Variants in PRKAR1B observed in about 807,000 individuals in gnomAD.
The protein encoded by PRKAR1B is protein kinase cAMP-dependent type I regulatory subunit beta.
A neutral mutation model predicts 46.5 loss-of-function variants in PRKAR1B; 22 were observed. The observed-to-expected ratio is 0.47, with a 90% CI of 0.34 to 0.68. The LOEUF is 0.68. Among genes scored for constraint, PRKAR1B ranks in the 30% least tolerant of loss-of-function variants. The probability of loss-of-function intolerance (pLI) is 0.01; values close to 1 mark genes in which losing one functional copy is unlikely to be tolerated. For synonymous variants in PRKAR1B, 259 were observed against 217.7 expected, an observed-to-expected ratio of 1.19 and a Z score of -1.67; for missense variants, 445 against 535.6, an observed-to-expected ratio of 0.83 and a Z score of 1.67.
chr7:643,370 T>C (rs1784482023), intron 4 of PRKAR1B, among the ~76,000 whole-genome samples: 1 of 151,366 alleles, frequency 6.6e-6, no homozygotes, highest in East Asian at 1.9e-4. Flanking sequence ...GGACCCTGCG[T>C]CCTTCAGGGA....
At chr7:594,722 G>T (rs1404691490) in intron 7 of PRKAR1B, among the ~76,000 whole-genome samples, 1 of 151,754 alleles carries the variant, frequency 6.6e-6, no homozygotes, top group Non-Finnish European at 1.5e-5. Context: ...GACCACAAGG[G>T]AAATCCCAAA....
At chr7:712,616 C>A (rs1257912624) in intron 1 of PRKAR1B, 19 of 86,716 alleles carry the variant, frequency 2.2e-4, no homozygotes, top group African/African-American at 7.7e-4. Context: ...CCCCGCGGGG[C>A]CCCCAACCCC....
intron 10 of PRKAR1B, among the ~76,000 whole-genome samples, chr7:551,031 C>A (rs1306745530): frequency 1.3e-5 from 2 of 151,874 alleles, no homozygotes; most frequent in Admixed American, 1.3e-4. Context: ...CCAGGTGCAC[C>A]CAGGTAGGCC....
Position 727,144 on chromosome 7 carries a change from C to CGCCTGGCGCTTGTGCAGCTGCTGG in PRKAR1B, c.-23+42_-23+65dup. On this transcript the variant is annotated intron_variant, in intron 1 of 10. Coordinates refer to ENST00000537384, the MANE Select transcript of PRKAR1B (RefSeq NM_001164760.2). ...CCCGCCCGAGGCCTGTGAGGAGCTGCGCCTGGCGCTTGTGCAGCTGCTGGG... is the reference window on the plus strand; with the variant it reads ...CCCGCCCGAGGCCTGTGAGGAGCTGCGCCTGGCGCTTGTGCAGCTGCTGGGCCTGGCGCTTGTGCAGCTGCTGGG... 1 of 1,251,290 alleles carries CGCCTGGCGCTTGTGCAGCTGCTGG rather than the reference C, an allele frequency of 8.0e-7. No individual in the cohort carries two copies. Among genetic ancestry groups the CGCCTGGCGCTTGTGCAGCTGCTGG allele is most frequent in the Non-Finnish European group, 1.0e-6 (1 of 994,400 alleles). 77.5% of individuals were successfully genotyped at this position (1,251,290 alleles called of 1,614,324 possible).
intron 7 of PRKAR1B, 94 bp from the exon 8 acceptor site, chr7:584,662 TTTAA>T: frequency 9.3e-7 from 1 of 1,079,694 alleles, no homozygotes; most frequent in Non-Finnish European, 1.4e-6. Flanking sequence ...ACTCTCAACT[TTTAA>T]ATGAGACCCT....
chr7:711,954 C>T (rs902370113), intron 1 of PRKAR1B, among the ~76,000 whole-genome samples: 7 of 151,018 alleles, frequency 4.6e-5, no homozygotes, highest in Admixed American at 3.9e-4. Flanking sequence ...GGCCCCTGCG[C>T]GCGGCCTCAG....
At chr7:583,795 C>T (rs1208788564) in intron 8 of PRKAR1B, among the ~76,000 whole-genome samples, 1 of 123,434 alleles carries the variant, frequency 8.1e-6, no homozygotes, top group Non-Finnish European at 1.8e-5. Flanking sequence ...CCCATGTGCA[C>T]TCACATGCAC....
chr7:679,000 A>C (rs1195902053), intron 3 of PRKAR1B, among the ~76,000 whole-genome samples: 1 of 152,248 alleles, frequency 6.6e-6, no homozygotes, highest in Admixed American at 6.5e-5. Flanking sequence ...AGACAGGAGA[A>C]TCACAGGAAC....
At chr7:634,392 C>G (rs1783925650) in intron 4 of PRKAR1B, among the ~76,000 whole-genome samples, 1 of 151,934 alleles carries the variant, frequency 6.6e-6, no homozygotes, top group Admixed American at 6.6e-5. Context: ...GCGGGAGGAT[C>G]ACTTGAGCCC....
In PRKAR1B at chr7:580,134, G is replaced by A. The variant is rs758794266; in HGVS notation, c.770-757C>T. 4.0e-5 allele frequency among the ~76,000 whole-genome samples: 6 copies of A among 151,696 alleles called. No homozygotes were observed. The East Asian group carries it at 5.8e-4, about 15-fold the overall frequency. ...TGGTCCCAGCTCCTCAGGAGGATGA[G>A]GCAAAAGGATCACTTGAGCGCGGGA... is the stretch of plus-strand genomic sequence containing the variant. On this transcript the variant is annotated intron_variant, in intron 8 of 10. Transcript: ENST00000537384.
At chr7:594,879 G>A (rs573761295) in intron 7 of PRKAR1B, among the ~76,000 whole-genome samples, 1 of 152,204 alleles carries the variant, frequency 6.6e-6, no homozygotes, top group East Asian at 1.9e-4. Context: ...AACCACAAGG[G>A]GACTCCAAAC....
In PRKAR1B at chr7:644,886, A is replaced by G. The variant is rs1446105997; in HGVS notation, c.440+32343T>C. On this transcript the variant is annotated intron_variant, in intron 4 of 10. Transcript: ENST00000537384. The surrounding 1 kb of genome is among the most constrained non-coding windows in gnomAD (Gnocchi z 4.9). ...GCAGAGCTGAGTCCTGGGCCTGCTC[A>G]GAGGCCGCCCAGGCCACCCCGTCTC... is the stretch of plus-strand genomic sequence containing the variant. Among the ~76,000 whole-genome samples the G allele has an allele frequency of 6.6e-6, 1 of 152,158 alleles. No homozygotes were observed. The highest frequency in any genetic ancestry group is 2.4e-5 in the African/African-American group (1 of 41,442).
chr7:583,202 G>A (rs1034786508), intron 8 of PRKAR1B, among the ~76,000 whole-genome samples: 1 of 152,044 alleles, frequency 6.6e-6, no homozygotes, highest in African/African-American at 2.4e-5. Context: ...CAAAACGGTC[G>A]GCGTGCTGTG....
intron 7 of PRKAR1B, among the ~76,000 whole-genome samples, chr7:589,782 C>T (rs1264739935): frequency 3.9e-5 from 6 of 152,250 alleles, no homozygotes; most frequent in Non-Finnish European, 8.8e-5. Flanking sequence ...AGAGCACCTA[C>T]CGTGTGCACG....
chr7:612,799 A>C (rs1306301263), intron 4 of PRKAR1B, among the ~76,000 whole-genome samples: 1 of 152,216 alleles, frequency 6.6e-6, no homozygotes, highest in African/African-American at 2.4e-5. Context: ...ATATTGTAAT[A>C]ATATTCACCG....
At chr7:631,925 C>T (rs1473570025) in intron 4 of PRKAR1B, among the ~76,000 whole-genome samples, 2 of 151,378 alleles carry the variant, frequency 1.3e-5, no homozygotes, top group Admixed American at 1.3e-4. Context: ...CCACTGCCCT[C>T]CAGCCTGAGC....
chr7:702,776 T>C (rs1227115860), intron 2 of PRKAR1B, among the ~76,000 whole-genome samples: 3 of 152,124 alleles, frequency 2.0e-5, no homozygotes, highest in Non-Finnish European at 2.9e-5. Flanking sequence ...TGAGCGGAGA[T>C]TGTGCCACTG....
Position 727,270 on chromosome 7 carries a change from C to A in PRKAR1B, c.-83G>T, listed in dbSNP as rs878855039. ...GCTCGACCCCTTCGCCGCCGTGCGC[C>A]GCGAGAGCTGCAGCTGCGCCGCCGC... On this transcript the variant is annotated 5_prime_UTR_variant, in exon 1 of 11. Transcript: ENST00000537384. The A allele has an allele frequency of 6.4e-4, 844 of 1,325,432 alleles. 1 individual carries two copies. Among genetic ancestry groups the A allele is most frequent in the Middle Eastern group, 1.7e-3 (6 of 3,486 alleles). 82.1% of individuals were successfully genotyped at this position (1,325,432 alleles called of 1,614,324 possible).
At position 593,329 on chromosome 7, in the gene PRKAR1B, C is replaced by T. The variant is rs1781090827; in HGVS notation, c.708+2817G>A. ...AGCACGTCCCAGCTCGGGACTAAGG[C>T]AGAAACAGGAGCTGTGTGAGGAGCT... On this transcript the variant is annotated intron_variant, in intron 7 of 10. Transcript: ENST00000537384. This position sits in a 1 kb window ranked among gnomAD's most constrained non-coding sequence, Gnocchi z 6.1. Among the ~76,000 whole-genome samples the T allele has an allele frequency of 1.3e-5, 2 of 152,162 alleles. No individual in the cohort carries two copies. The highest frequency in any genetic ancestry group is 2.4e-5 in the African/African-American group (1 of 41,442).
Sources: allele counts gnomAD v4.1 joint callset (sites outside exome capture counted in the v4.1 genomes callset), GRCh38; gene constraint gnomAD v4.1.1; non-coding constraint Gnocchi (gnomAD v3.1); transcripts MANE v1.5; gene names NCBI Gene and HGNC (gene_info 2026-07-23, HGNC 2026-07-21).